CLDN16: variants seen among roughly 807,000 people sequenced by gnomAD.
CLDN16 encodes claudin 16.
In CLDN16, 13 loss-of-function variants were observed where a neutral mutation model predicts 24.6. That is an observed-to-expected ratio of 0.53 (90% CI 0.34 to 0.84). CLDN16 has a LOEUF of 0.84. CLDN16 is among the 40% of genes least tolerant of loss of function. The pLI, the probability that CLDN16 is intolerant of heterozygous loss-of-function variation, is 0.01. For synonymous variants in CLDN16, 116 were observed against 106.7 expected (o/e 1.09, Z -0.54); for missense variants, 298 against 292.7 (o/e 1.02, Z -0.13).
In CLDN16 at chr3:190,408,416, T is replaced by G. The variant is rs104893726; in HGVS notation, c.485T>G (p.Phe162Cys). 1 of 1,614,106 alleles carries G rather than the reference T, an allele frequency of 6.2e-7. No individual in the cohort carries two copies. The highest frequency in any genetic ancestry group is 1.6e-4 in the Middle Eastern group (1 of 6,062). Reference protein sequence around the residue: ...HNIFLGIQYKFGWSCWLGMAG... With the variant: ...HNIFLGIQYKCGWSCWLGMAG... ...ATATTTCTTGGTATCCAATATAAAT[T>G]TGGTTGGTCCTGTTGGCTCGGAATG... is the stretch of plus-strand genomic sequence containing the variant. The change falls in exon 4 of 5, where the codon TTT becomes TGT. Residue 162 changes from phenylalanine (F) to cysteine (C), a missense_variant. Phe to Cys is a radical substitution (Grantham distance 205). Coordinates refer to ENST00000264734, the MANE Select transcript of CLDN16 (RefSeq NM_006580.4).
At chr3:190,334,255 G>A (rs1411739673) in intron 1 of CLDN16, among the ~76,000 whole-genome samples, 1 of 152,200 alleles carries the variant, frequency 6.6e-6, no homozygotes, top group African/African-American at 2.4e-5. Flanking sequence ...TAGTGGGCTA[G>A]CAGAAGGATG....
intron 1 of CLDN16, among the ~76,000 whole-genome samples, chr3:190,347,772 T>A (rs1717581927): frequency 1.3e-5 from 2 of 152,256 alleles, no homozygotes; most frequent in African/African-American, 4.8e-5. Context: ...GAAAGTAGGT[T>A]TCTCTGAAGT....
At chr3:190,321,016 A>G (rs997437770), upstream of CLDN16, among the ~76,000 whole-genome samples, 2 of 152,174 alleles carry the variant, frequency 1.3e-5, no homozygotes, top group Non-Finnish European at 2.9e-5. Context: ...ATCCTTAGAA[A>G]TATGTCTCTC....
At chr3:190,356,968 G>C (rs1410038934) in intron 1 of CLDN16, among the ~76,000 whole-genome samples, 1 of 151,860 alleles carries the variant, frequency 6.6e-6, no homozygotes, top group African/African-American at 2.4e-5. Context: ...ATTATACACA[G>C]CCTTGCATTT....
chr3:190,304,095 T>C, the CLDN16 span, among the ~76,000 whole-genome samples: 1 of 152,176 alleles, frequency 6.6e-6, no homozygotes, highest in African/African-American at 2.4e-5. Context: ...CTGCTAGGAC[T>C]CTCCTCTCAG....
chr3:190,293,046 TA>T, the CLDN16 span, among the ~76,000 whole-genome samples: 17 of 152,340 alleles, frequency 1.1e-4, no homozygotes, highest in East Asian at 3.3e-3. Context: ...TAGTCTATTT[TA>T]ACACTGCTAT....
At chr3:190,400,654 A>AT in intron 1 of CLDN16, among the ~76,000 whole-genome samples, 1 of 152,326 alleles carries the variant, frequency 6.6e-6, no homozygotes, top group South Asian at 2.1e-4. Flanking sequence ...AAAGAATTTC[A>AT]TTTTTTAAAT....
chr3:190,367,184 T>C (rs1233061971), intron 1 of CLDN16, among the ~76,000 whole-genome samples: 4 of 151,968 alleles, frequency 2.6e-5, no homozygotes, highest in Admixed American at 2.6e-4. Flanking sequence ...TGTTTTATGA[T>C]AGGATAATAC....
chr3:190,312,885 T>C, the CLDN16 span: 1 of 1,614,048 alleles, frequency 6.2e-7, no homozygotes, highest in Non-Finnish European at 8.5e-7. Flanking sequence ...CAAGAAGAAA[T>C]ATCGCACCCC....
At position 190,335,023 on chromosome 3, in the gene CLDN16, CTTTTTTT is replaced by C. The variant is rs57744577; in HGVS notation, n.121+12371_121+12377del. 2.2e-3 allele frequency among the ~76,000 whole-genome samples: 290 copies of C among 134,398 alleles called. 5 individuals carry two copies. In the East Asian group the frequency reaches 0.048, roughly 22 times the overall value. The allele number at this position is 134,398 out of a possible 152,430, so 88.2% of individuals were successfully genotyped here. ...ATTCTTTTCTTTCCTTTTCTTTTTT[CTTTTTTT>C]TTTTTTTTGTTTGTTGTGTTTGTTT... On this transcript the variant is annotated intron_variant and non_coding_transcript_variant, in intron 1 of 4. Coordinates refer to the CLDN16 transcript ENST00000468220.
chr3:190,334,897 G>A (rs1036805212), intron 1 of CLDN16, among the ~76,000 whole-genome samples: 2 of 152,162 alleles, frequency 1.3e-5, no homozygotes, highest in African/African-American at 4.8e-5. Context: ...TTGCCCCCTT[G>A]CATCTAGGCA....
chr3:190,380,235 TCCCTC>T (rs369149675), intron 3 of CLDN16, among the ~76,000 whole-genome samples: 2 of 4,244 alleles, frequency 4.7e-4, no homozygotes, highest in Admixed American at 2.3e-3. Flanking sequence ...TTTTCTTCCT[TCCCTC>T]CCTTCCTTCC....
chr3:190,351,992 T>C (rs564498740), intron 1 of CLDN16, among the ~76,000 whole-genome samples: 1 of 152,210 alleles, frequency 6.6e-6, no homozygotes, highest in Admixed American at 6.6e-5. Flanking sequence ...TTTCCTGGCT[T>C]GAATTATCCC....
intron 1 of CLDN16, among the ~76,000 whole-genome samples, chr3:190,366,059 C>T (rs1249840607): frequency 6.6e-6 from 1 of 151,904 alleles, no homozygotes; most frequent in Non-Finnish European, 1.5e-5. Flanking sequence ...ATTGCCTTCT[C>T]AAGTTTAAAG....
At chr3:190,408,132 A>T (rs1025070539) in intron 3 of CLDN16, among the ~76,000 whole-genome samples, 182 bp from the exon 4 acceptor site, 1 of 152,252 alleles carries the variant, frequency 6.6e-6, no homozygotes, top group Non-Finnish European at 1.5e-5. Context: ...TAAAAAAGAT[A>T]CAAGATGGAA....
the CLDN16 span, among the ~76,000 whole-genome samples, chr3:190,299,455 G>A: frequency 6.6e-6 from 1 of 152,004 alleles, no homozygotes; most frequent in Non-Finnish European, 1.5e-5. Flanking sequence ...ATAGTTGTAT[G>A]TAACTATTTT....
At chr3:190,380,273 C>CCTTCCTTCCTTCCTTTCTTCCT (rs1718343040) in intron 3 of CLDN16, among the ~76,000 whole-genome samples, 1 of 97,146 alleles carries the variant, frequency 1.0e-5, no homozygotes, top group Admixed American at 1.3e-4. Context: ...TTCCTTCCTT[C>CCTTCCTTCCTTCCTTTCTTCCT]TGTTTTTTGG....
chr3:190,382,195 T>C (rs186068692), intron 3 of CLDN16, among the ~76,000 whole-genome samples: 7 of 152,120 alleles, frequency 4.6e-5, no homozygotes, highest in Non-Finnish European at 1.0e-4. Context: ...GGGAGTAGAA[T>C]GTTAACCTTT....
At chr3:190,389,989 G>A (rs1718608686) in intron 1 of CLDN16, among the ~76,000 whole-genome samples, 1 of 152,094 alleles carries the variant, frequency 6.6e-6, no homozygotes, top group African/African-American at 2.4e-5. Flanking sequence ...TTTTAGAAAG[G>A]GTCAAACCTT....
Sources: gnomAD v4.1 joint callset for allele counts (sites outside exome capture counted in the v4.1 genomes callset) on GRCh38, gnomAD v4.1.1 for gene constraint, MANE v1.5 for transcripts, NCBI Gene and HGNC (gene_info 2026-07-23, HGNC 2026-07-21) for gene names.